Variants in NCOA1 observed in about 807,000 individuals in gnomAD.
NCOA1 encodes the protein Hin-2 protein.
A neutral mutation model predicts 150.9 loss-of-function variants in NCOA1; 35 were observed. The ratio of observed to expected loss-of-function variants is 0.23; its 90% confidence interval spans 0.18 to 0.31. The LOEUF (loss-of-function observed/expected upper bound fraction) is 0.31. NCOA1 is among the 10% of genes least tolerant of loss of function. The pLI is 1.00. For missense variants in NCOA1, 1,491 were observed against 1,749.3 expected (o/e 0.85, Z 2.63); for synonymous variants, 590 against 630.0 (o/e 0.94, Z 0.95).
chr2:24,510,059 C>T (rs1663868742), intron 1 of NCOA1, among the ~76,000 whole-genome samples: 1 of 152,104 alleles, frequency 6.6e-6, no homozygotes, highest in Non-Finnish European at 1.5e-5. Flanking sequence ...GGACTGTGCA[C>T]TTTTTTTGAG....
At chr2:24,654,894 AC>A (rs1381028325) in intron 4 of NCOA1, among the ~76,000 whole-genome samples, 1 of 151,782 alleles carries the variant, frequency 6.6e-6, no homozygotes, top group African/African-American at 2.4e-5. Context: ...TCTCTCCCTT[AC>A]CCCCTTCTTA....
At chr2:24,748,616 C>CAAAAAAAA (rs60280796) in intron 19 of NCOA1, among the ~76,000 whole-genome samples, 1 of 103,812 alleles carries the variant, frequency 9.6e-6, no homozygotes, top group African/African-American at 3.7e-5. Flanking sequence ...AACTCGGTCT[C>CAAAAAAAA]AAAAAAAAAA....
intron 3 of NCOA1, among the ~76,000 whole-genome samples, chr2:24,627,034 G>A (rs137907440): frequency 1.1e-4 from 17 of 151,528 alleles, no homozygotes; most frequent in Non-Finnish European, 1.2e-4. Flanking sequence ...GAGGTATACT[G>A]AGTAAAAGAA....
chr2:24,645,367 G>T (rs1019895774), intron 4 of NCOA1, among the ~76,000 whole-genome samples: 1 of 151,580 alleles, frequency 6.6e-6, no homozygotes, highest in African/African-American at 2.4e-5. Flanking sequence ...GCCAGGCGTG[G>T]TGGTGGGCGC....
intron 3 of NCOA1, among the ~76,000 whole-genome samples, chr2:24,607,712 A>G (rs2148374375): frequency 6.6e-6 from 1 of 151,800 alleles, no homozygotes; most frequent in Admixed American, 6.6e-5. Context: ...AGTGAGATTC[A>G]CCTACTTTAG....
intron 6 of NCOA1, among the ~76,000 whole-genome samples, chr2:24,668,636 T>G (rs1014004486): frequency 6.6e-6 from 1 of 152,110 alleles, no homozygotes; most frequent in Admixed American, 6.6e-5. Flanking sequence ...TCCAAGATAG[T>G]AAAGCTAGAA....
chr2:24,685,321 T>C (rs1417746807), intron 8 of NCOA1, among the ~76,000 whole-genome samples: 1 of 152,164 alleles, frequency 6.6e-6, no homozygotes, highest in Non-Finnish European at 1.5e-5. Flanking sequence ...ATCTGAATGC[T>C]GGGAAGCTGG....
chr2:24,512,840 C>G (rs1205734614), intron 1 of NCOA1, among the ~76,000 whole-genome samples: 3 of 152,232 alleles, frequency 2.0e-5, no homozygotes, highest in East Asian at 3.8e-4. Flanking sequence ...TCATCTCTGA[C>G]TGCTTGGCTG....
intron 6 of NCOA1, among the ~76,000 whole-genome samples, chr2:24,671,930 A>T (rs1264405808): frequency 2.0e-5 from 3 of 152,176 alleles, no homozygotes; most frequent in African/African-American, 7.2e-5. Context: ...GGCTATGTAA[A>T]TAGTTGTTGT....
At chr2:24,597,045 CT>C (rs1417716185) in intron 3 of NCOA1, among the ~76,000 whole-genome samples, 5 of 152,058 alleles carry the variant, frequency 3.3e-5, no homozygotes, top group Admixed American at 3.3e-4. Flanking sequence ...ACACACTGTG[CT>C]TTTGTGGTTT....
At chr2:24,622,818 C>A (rs1271161996) in intron 3 of NCOA1, among the ~76,000 whole-genome samples, 2 of 152,054 alleles carry the variant, frequency 1.3e-5, no homozygotes. Context: ...TTAATTTGGT[C>A]ATTTATGGTT....
chr2:24,600,195 G>GT (rs1296820792), intron 3 of NCOA1, among the ~76,000 whole-genome samples: 2 of 152,084 alleles, frequency 1.3e-5, no homozygotes, highest in African/African-American at 4.8e-5. Context: ...TTGCGATTAT[G>GT]TTTTTTTGTT....
intron 2 of NCOA1, among the ~76,000 whole-genome samples, chr2:24,580,354 G>A (rs555092206): frequency 6.6e-6 from 1 of 152,132 alleles, no homozygotes; most frequent in Non-Finnish European, 1.5e-5. Flanking sequence ...TTCTCTCCTT[G>A]TTGGATTCCA....
chr2:24,553,593 T>C (rs920304135), intron 1 of NCOA1, among the ~76,000 whole-genome samples: 13 of 152,228 alleles, frequency 8.5e-5, no homozygotes, highest in African/African-American at 3.1e-4. Flanking sequence ...ATTACATTGA[T>C]GGATTTTCTT....
intron 17 of NCOA1, among the ~76,000 whole-genome samples, chr2:24,739,197 G>T (rs1056267287): frequency 1.9e-4 from 29 of 152,112 alleles, no homozygotes; most frequent in African/African-American, 7.0e-4. Context: ...CCAGGCTGGA[G>T]TGCAGTGTGT....
At chr2:24,635,549 T>C (rs1669904996) in intron 3 of NCOA1, among the ~76,000 whole-genome samples, 1 of 152,252 alleles carries the variant, frequency 6.6e-6, no homozygotes, top group African/African-American at 2.4e-5. Flanking sequence ...TTGGCAAACG[T>C]AGTAAAGTAC....
chr2:24,604,395 A>C (rs1668264157), intron 3 of NCOA1, among the ~76,000 whole-genome samples: 1 of 152,176 alleles, frequency 6.6e-6, no homozygotes. Flanking sequence ...GAAAGTCCTG[A>C]ATGGCATCTT....
In NCOA1 at chr2:24,706,972, C is replaced by T; in HGVS notation, c.1502C>T (p.Pro501Leu). The T allele has an allele frequency of 6.2e-7, 1 of 1,614,100 alleles. No homozygotes were observed. The highest frequency in any genetic ancestry group is 8.5e-7 in the Non-Finnish European group (1 of 1,180,002). Residue 501 changes from proline (P) to leucine (L), a missense_variant, in exon 13 of 23, where the codon CCC becomes CTC. Transcript: ENST00000348332. ...GTTACTTCTGGATTGGCAACAAGGC[C>T]CAGGATGCCAAACAATTCCTTTCCT... is the stretch of plus-strand genomic sequence containing the variant. ...RQVTSGLATR[P>L]RMPNNSFPPN...
chr2:24,557,375 C>T (rs1425343254), intron 1 of NCOA1, among the ~76,000 whole-genome samples: 2 of 152,076 alleles, frequency 1.3e-5, no homozygotes, highest in African/African-American at 4.8e-5. Flanking sequence ...ACTAACCCTA[C>T]AATGCAGTCT....
Sources: allele counts gnomAD v4.1 joint callset (sites outside exome capture counted in the v4.1 genomes callset), GRCh38; gene constraint gnomAD v4.1.1; transcripts MANE v1.5; gene names NCBI Gene and HGNC (gene_info 2026-07-23, HGNC 2026-07-21).